Variants in C5orf22 observed in about 807,000 individuals in gnomAD.
The protein encoded by C5orf22 is UPF0489 protein C5orf22.
C5orf22 carries 36 observed loss-of-function variants against 48.7 expected under a neutral mutation model. That is an observed-to-expected ratio of 0.74 (90% CI 0.57 to 0.98). The LOEUF is 0.98. C5orf22 is among the 50% of genes least tolerant of loss of function. C5orf22 has a pLI of 0.00. For synonymous variants in C5orf22, 141 were observed against 180.8 expected (o/e 0.78, Z 1.76); for missense variants, 486 against 521.9 (o/e 0.93, Z 0.67).
Position 31,553,136 on chromosome 5 carries a change from G to T in C5orf22, c.*234G>T. 1.3e-5 allele frequency: 4 copies of T among 307,928 alleles called. No homozygotes were observed. Among genetic ancestry groups the T allele is most frequent in the South Asian group, 7.2e-5 (1 of 13,986 alleles). The allele number at this position is 307,928 out of a possible 1,614,324, so 19.1% of individuals were successfully genotyped here. On this transcript the variant is annotated 3_prime_UTR_variant, in exon 9 of 9. Transcript: ENST00000325366. ...ACTGTTGCTTATCTGTCTTCCTTAA[G>T]TATTTTTTAGGGTTTTGTTTTTTTT...
chr5:31,538,123 A>G (rs1206373463), intron 3 of C5orf22, 137 bp from the exon 4 acceptor site: 4 of 666,092 alleles, frequency 6.0e-6, no homozygotes, highest in Non-Finnish European at 1.1e-5. Context: ...TTTCTACAGA[A>G]GAACAGGAAG....
chr5:31,545,555 A>AT, intron 6 of C5orf22, 91 bp from the exon 7 acceptor site: 1 of 844,164 alleles, frequency 1.2e-6, no homozygotes, highest in Non-Finnish European at 2.0e-6. Flanking sequence ...GCATGTTATT[A>AT]TGGTAAATGT....
At chr5:31,536,849 A>T (rs995860794) in intron 3 of C5orf22, among the ~76,000 whole-genome samples, 14 of 152,366 alleles carry the variant, frequency 9.2e-5, no homozygotes, top group African/African-American at 3.1e-4. Flanking sequence ...TATTTTAAAC[A>T]GTATAGCCAT....
At chr5:31,540,528 G>A (rs1232352549) in intron 4 of C5orf22, among the ~76,000 whole-genome samples, 1 of 152,172 alleles carries the variant, frequency 6.6e-6, no homozygotes, top group East Asian at 1.9e-4. Context: ...AACATAGGGA[G>A]TTCTTTGTTG....
intron 8 of C5orf22, among the ~76,000 whole-genome samples, chr5:31,552,022 A>G (rs989679323): frequency 1.3e-5 from 2 of 152,174 alleles, no homozygotes; most frequent in African/African-American, 4.8e-5. Flanking sequence ...GTTCTTCTAT[A>G]AAGATTTCTG....
chr5:31,550,638 T>G (rs966899533), intron 7 of C5orf22, among the ~76,000 whole-genome samples: 1 of 152,180 alleles, frequency 6.6e-6, no homozygotes, highest in Non-Finnish European at 1.5e-5. Flanking sequence ...CGATCTTGGC[T>G]CACTGTAACC....
rs1386308517 is a variant in C5orf22, at chr5:31,535,354, A to C, written c.228-390A>C. Among the ~76,000 whole-genome samples, 3 of 152,350 alleles carry C rather than the reference A, an allele frequency of 2.0e-5. No individual in the cohort carries two copies. The East Asian group carries it at 5.8e-4, about 29-fold the overall frequency. On this transcript the variant is annotated intron_variant, in intron 2 of 8. Coordinates refer to ENST00000325366, the MANE Select transcript of C5orf22 (RefSeq NM_018356.3). ...CATTTTGCCACACATAATATTTAAA[A>C]ATGTATACTCAGGATGGAAATTTAA...
intron 1 of C5orf22, among the ~76,000 whole-genome samples, chr5:31,533,212 C>A (rs1727133191): frequency 1.3e-5 from 2 of 152,056 alleles, no homozygotes; most frequent in African/African-American, 4.8e-5. Flanking sequence ...CGCCGGCCTC[C>A]CAAAGTGCTG....
At position 31,553,280 on chromosome 5, in the gene C5orf22, C is replaced by T. The variant is rs1436323131; in HGVS notation, c.*378C>T. 1 of 192,512 alleles carries T rather than the reference C, an allele frequency of 5.2e-6. No individual in the cohort carries two copies. Among genetic ancestry groups the T allele is most frequent in the African/African-American group, 2.4e-5 (1 of 42,144 alleles). 11.9% of individuals were successfully genotyped at this position (192,512 alleles called of 1,614,324 possible). A position where few individuals can be genotyped will look rare whatever the true frequency, so the allele number is the denominator to read the frequency against. ...TTGTTGAACACTTACATGTACCAGA[C>T]ATTATTAAGTGCTGGGTATATGGTA... On this transcript the variant is annotated 3_prime_UTR_variant, in exon 9 of 9. Coordinates refer to ENST00000325366, the MANE Select transcript of C5orf22 (RefSeq NM_018356.3).
chr5:31,542,246 C>G (rs1365007007), intron 6 of C5orf22, among the ~76,000 whole-genome samples: 3 of 150,494 alleles, frequency 2.0e-5, no homozygotes, highest in Non-Finnish European at 3.0e-5. Context: ...GTTAGGAGAT[C>G]GAGACCATCC....
intron 4 of C5orf22, among the ~76,000 whole-genome samples, chr5:31,539,035 G>A (rs1742290685): frequency 6.6e-6 from 1 of 152,186 alleles, no homozygotes; most frequent in Admixed American, 6.5e-5. Flanking sequence ...CTCTGTATCC[G>A]TGGGTTCTGT....
In C5orf22 at chr5:31,552,919, G is replaced by A. The variant is rs1010944323; in HGVS notation, c.*17G>A. The stretch of plus-strand genomic sequence containing the variant: ...CCATCTTGAAACAAACAAAACATTA[G>A]GCTCCTGTTGTATCTTGGTTTAGTA... On this transcript the variant is annotated 3_prime_UTR_variant, in exon 9 of 9. Transcript: ENST00000325366. The A allele has an allele frequency of 3.1e-6, 5 of 1,611,176 alleles. No individual in the cohort carries two copies. The highest frequency in any genetic ancestry group is 2.7e-5 in the African/African-American group (2 of 74,758).
At position 31,552,843 on chromosome 5, in the gene C5orf22, C is replaced by T. The variant is rs756366812; in HGVS notation, c.1270C>T (p.Arg424Cys). Reference protein sequence around the residue: ...TIQEKVLNMLRALYGNLDLQV... With the variant: ...TIQEKVLNMLCALYGNLDLQV... ...TCAAGAAAAGGTCCTCAATATGCTA[C>T]GTGCCCTCTATGGAAATCTAGACCT... The change falls in exon 9 of 9, where the codon CGT (arginine) becomes TGT (cysteine). Residue 424 changes from arginine to cysteine, a missense_variant. By Grantham distance (180) the Arg-to-Cys change is radical. Coordinates refer to ENST00000325366, the MANE Select transcript of C5orf22 (RefSeq NM_018356.3). 4.3e-6 allele frequency: 7 copies of T among 1,613,408 alleles called. No individual in the cohort carries two copies. In the East Asian group the frequency reaches 6.7e-5, roughly 15 times the overall value.
At chr5:31,541,221 G>C in intron 5 of C5orf22, 60 bp from the exon 6 acceptor site, 1 of 1,552,834 alleles carries the variant, frequency 6.4e-7, no homozygotes, top group Non-Finnish European at 8.8e-7. Flanking sequence ...TTTGTAATGG[G>C]ATGTTGCTTG....
At chr5:31,537,600 T>C (rs1742176278) in intron 3 of C5orf22, among the ~76,000 whole-genome samples, 1 of 152,340 alleles carries the variant, frequency 6.6e-6, no homozygotes, top group African/African-American at 2.4e-5. Flanking sequence ...GTTTGAAGTA[T>C]TTACCAAGTC....
At chr5:31,547,814 G>A (rs1398820547) in intron 7 of C5orf22, among the ~76,000 whole-genome samples, 1 of 152,176 alleles carries the variant, frequency 6.6e-6, no homozygotes, top group Non-Finnish European at 1.5e-5. Context: ...TGATGGGAGG[G>A]GCTACCGCAA....
chr5:31,545,482 T>G (rs1329653996), intron 6 of C5orf22, among the ~76,000 whole-genome samples, 164 bp from the exon 7 acceptor site: 2 of 152,258 alleles, frequency 1.3e-5, no homozygotes, highest in African/African-American at 4.8e-5. Flanking sequence ...AGGAAACATT[T>G]ATTTCTTAAT....
rs1224413595 is a variant in C5orf22, at chr5:31,538,308, T to G, written c.426T>G (p.Pro142=). The change falls in exon 4 of 9, where the codon CCT becomes CCG. Residue 142 remains proline, a synonymous_variant. Transcript: ENST00000325366. ...TCCTAAGTGATGGTCTGTATGTACC[T>G]GAAGACCAGCTAGAGAACCAAAAAC... The part of the protein sequence containing the change: ...HYFLSDGLYV[P]EDQLENQKPL... The G allele has an allele frequency of 6.2e-7, 1 of 1,613,922 alleles. No homozygotes were observed. Among genetic ancestry groups the G allele is most frequent in the Non-Finnish European group, 8.5e-7 (1 of 1,179,904 alleles).
intron 6 of C5orf22, among the ~76,000 whole-genome samples, chr5:31,543,779 A>G (rs1742625232): frequency 6.6e-6 from 1 of 152,190 alleles, no homozygotes; most frequent in South Asian, 2.1e-4. Flanking sequence ...ACAACAAAAT[A>G]GGCCTGGAAA....
Sources: gnomAD v4.1 joint callset for allele counts (sites outside exome capture counted in the v4.1 genomes callset) on GRCh38, gnomAD v4.1.1 for gene constraint, MANE v1.5 for transcripts, NCBI Gene and HGNC (gene_info 2026-07-23, HGNC 2026-07-21) for gene names.